The following NCAM1 variants were observed in gnomAD, a reference collection of about 807,000 sequenced individuals.
NCAM1 encodes neural cell adhesion molecule 1.
NCAM1 carries 14 observed loss-of-function variants against 109.8 expected under a neutral mutation model. The observed-to-expected ratio is 0.13, with a 90% CI of 0.08 to 0.20. The LOEUF (loss-of-function observed/expected upper bound fraction) is 0.20. Among genes scored for constraint, NCAM1 ranks in the 10% least tolerant of loss-of-function variants. The pLI, the probability that NCAM1 is intolerant of heterozygous loss-of-function variation, is 1.00. For synonymous variants in NCAM1, 418 were observed against 442.9 expected (o/e 0.94, Z 0.70); for missense variants, 774 against 1,109.9 (o/e 0.70, Z 4.30).
chr11:113,185,068 T>TA (rs1555108634), intron 1 of NCAM1, among the ~76,000 whole-genome samples: 18 of 99,626 alleles, frequency 1.8e-4, no homozygotes, highest in East Asian at 7.5e-4. Context: ...GCATTTATAT[T>TA]TATATATATA....
chr11:112,983,817 CAA>C (rs1951219383), intron 1 of NCAM1, among the ~76,000 whole-genome samples: 1 of 151,888 alleles, frequency 6.6e-6, no homozygotes, highest in African/African-American at 2.4e-5. Flanking sequence ...ATGTACATAA[CAA>C]AGTGATTACT....
intron 1 of NCAM1, among the ~76,000 whole-genome samples, chr11:113,142,677 G>A (rs936049934): frequency 1.3e-5 from 2 of 152,138 alleles, no homozygotes; most frequent in Non-Finnish European, 2.9e-5. Context: ...ATCTGTGCTG[G>A]TTGGAGAATC....
At chr11:113,061,887 C>A (rs1190535135) in intron 1 of NCAM1, among the ~76,000 whole-genome samples, 3 of 152,106 alleles carry the variant, frequency 2.0e-5, no homozygotes, top group Non-Finnish European at 4.4e-5. Flanking sequence ...GTATTTACAA[C>A]CCCCTGATTT....
At chr11:113,036,109 C>T (rs7935937) in intron 1 of NCAM1, among the ~76,000 whole-genome samples, 3 of 151,964 alleles carry the variant, frequency 2.0e-5, no homozygotes, top group South Asian at 2.1e-4. Context: ...AGTCCCCACC[C>T]GGGCTCTTCC....
intron 1 of NCAM1, among the ~76,000 whole-genome samples, chr11:112,982,940 A>G (rs1266589008): frequency 6.6e-6 from 1 of 152,048 alleles, no homozygotes; most frequent in East Asian, 1.9e-4. Context: ...TAAGTAGTAG[A>G]TGGTTCTCGA....
At chr11:113,024,438 G>A in intron 1 of NCAM1, among the ~76,000 whole-genome samples, 1 of 152,042 alleles carries the variant, frequency 6.6e-6, no homozygotes, top group Non-Finnish European at 1.5e-5. Flanking sequence ...ACTTCATTCT[G>A]TGTTTGTTGG....
intron 1 of NCAM1, among the ~76,000 whole-genome samples, chr11:112,969,307 A>G (rs1446413144): frequency 2.6e-5 from 4 of 152,148 alleles, no homozygotes; most frequent in Admixed American, 2.6e-4. Flanking sequence ...GGAAACTGAG[A>G]CTGAGAAAGG....
intron 1 of NCAM1, among the ~76,000 whole-genome samples, chr11:113,005,408 G>T (rs539282789): frequency 1.3e-5 from 2 of 152,170 alleles, no homozygotes; most frequent in African/African-American, 4.8e-5. Context: ...TTTTTTGGGC[G>T]GTGGTTTGGT....
At chr11:113,135,458 G>T (rs1941563525) in intron 1 of NCAM1, among the ~76,000 whole-genome samples, 1 of 152,046 alleles carries the variant, frequency 6.6e-6, no homozygotes, top group African/African-American at 2.4e-5. Context: ...CCCTTGTGAG[G>T]CTCCAGAGCA....
intron 1 of NCAM1, among the ~76,000 whole-genome samples, chr11:113,187,066 C>G (rs961200562): frequency 6.6e-6 from 1 of 152,206 alleles, no homozygotes; most frequent in African/African-American, 2.4e-5. Flanking sequence ...TTGCCTCTTG[C>G]AACTGGTATC....
chr11:113,183,113 G>A (rs1555108239), intron 1 of NCAM1, among the ~76,000 whole-genome samples: 1 of 152,232 alleles, frequency 6.6e-6, no homozygotes, highest in African/African-American at 2.4e-5. Context: ...GCAAGATACA[G>A]TAACTTGCCT....
intron 1 of NCAM1, among the ~76,000 whole-genome samples, chr11:113,126,454 G>A (rs1003701379): frequency 2.0e-4 from 31 of 152,074 alleles, no homozygotes; most frequent in African/African-American, 7.2e-4. Flanking sequence ...CCATCCCAGG[G>A]TGGGCCTACC....
intron 1 of NCAM1, among the ~76,000 whole-genome samples, chr11:113,054,123 C>A (rs1953609167): frequency 6.6e-6 from 1 of 152,128 alleles, no homozygotes; most frequent in Admixed American, 6.6e-5. Context: ...AACCCCAAGT[C>A]CACCAAATAT....
chr11:113,135,467 C>A (rs1396074190), intron 1 of NCAM1, among the ~76,000 whole-genome samples: 2 of 151,978 alleles, frequency 1.3e-5, no homozygotes, highest in African/African-American at 4.8e-5. Context: ...GGCTCCAGAG[C>A]AAGATAAAGA....
chr11:113,031,925 C>A (rs1260134560), intron 1 of NCAM1, among the ~76,000 whole-genome samples: 2 of 152,010 alleles, frequency 1.3e-5, no homozygotes, highest in African/African-American at 2.4e-5. Flanking sequence ...ACTGTATTAT[C>A]ATCGTTTTGT....
At chr11:113,244,298 T>C (rs1305079990) in intron 14 of NCAM1, among the ~76,000 whole-genome samples, 2 of 152,162 alleles carry the variant, frequency 1.3e-5, no homozygotes, top group Non-Finnish European at 2.9e-5. Context: ...GAATTAGGTG[T>C]CTCTCCCCTG....
intron 1 of NCAM1, among the ~76,000 whole-genome samples, chr11:113,062,803 C>CA (rs1250915916): frequency 6.6e-6 from 1 of 151,792 alleles, no homozygotes; most frequent in African/African-American, 2.4e-5. Flanking sequence ...GAGACTTTAC[C>CA]AAAAAAAATT....
chr11:113,080,389 TAA>T (rs1938747128), intron 1 of NCAM1, among the ~76,000 whole-genome samples: 1 of 152,126 alleles, frequency 6.6e-6, no homozygotes, highest in African/African-American at 2.4e-5. Context: ...GTATTCCATC[TAA>T]ATCACATACC....
intron 1 of NCAM1, among the ~76,000 whole-genome samples, chr11:113,090,847 C>T (rs78710846): frequency 8.5e-5 from 13 of 152,326 alleles, no homozygotes; most frequent in African/African-American, 3.1e-4. Flanking sequence ...TGCTTACTAG[C>T]ACCTACTGTG....
Sources: allele counts gnomAD v4.1 joint callset (sites outside exome capture counted in the v4.1 genomes callset), GRCh38; gene constraint gnomAD v4.1.1; transcripts MANE v1.5; gene names NCBI Gene and HGNC (gene_info 2026-07-23, HGNC 2026-07-21).